The following UTRN variants were observed in gnomAD, a reference collection of about 807,000 sequenced individuals.
UTRN encodes utrophin.
Under a neutral mutation model 463.9 loss-of-function variants are expected in UTRN, and 283 were observed. The ratio of observed to expected loss-of-function variants is 0.61; its 90% CI spans 0.55 to 0.67. The LOEUF (loss-of-function observed/expected upper bound fraction) is 0.67, where lower values mean the gene tolerates loss of function less well. UTRN is among the 30% of genes least tolerant of loss of function. The pLI is 0.00. For synonymous variants in UTRN, 1,442 were observed against 1,431.5 expected (o/e 1.01, Z -0.17); for missense variants, 3,922 against 4,084.3 (o/e 0.96, Z 1.08).
In UTRN at chr6:144,516,291, T is replaced by A; in HGVS notation, c.5307T>A (p.Gly1769=). ...CLVTTETFET[G]VPFSDLEKLE... Reference sequence around the variant, plus strand: ...TCACCACTGAAACATTTGAAACTGGTGTGCCTTTCTCTGACTTGGAAAAAT... The same window carrying A: ...TCACCACTGAAACATTTGAAACTGGAGTGCCTTTCTCTGACTTGGAAAAAT... The change falls in exon 38 of 75, where the codon GGT becomes GGA. Residue 1769 remains glycine (G), a synonymous_variant. Coordinates refer to ENST00000367545, the MANE Select transcript of UTRN (RefSeq NM_007124.3). 1 of 1,613,930 alleles carries A rather than the reference T, an allele frequency of 6.2e-7. No homozygotes were observed. The highest frequency in any genetic ancestry group is 8.5e-7 in the Non-Finnish European group (1 of 1,179,940).
rs879515578 is a variant in UTRN, at chr6:144,304,621, G to A, written c.79+12714G>A. ...ATCTGAAAGAATGAGTGGGGATGTG[G>A]GGAGGCTGTTAAGACAGAGGGAGTT... On this transcript the variant is annotated intron_variant, in intron 2 of 74. Transcript: ENST00000367545. Among the ~76,000 whole-genome samples the A allele has an allele frequency of 3.9e-5, 6 of 152,242 alleles. No homozygotes were observed. In the East Asian group the frequency reaches 9.7e-4, roughly 24 times the overall value.
At chr6:144,437,811 G>A in intron 11 of UTRN, 65 bp downstream of exon 11, 1 of 1,497,890 alleles carries the variant, frequency 6.7e-7, no homozygotes, top group Non-Finnish European at 9.0e-7. Context: ...AGCTCTAGTA[G>A]ATGTCTGCAT....
At chr6:144,362,527 A>G (rs1435318570) in intron 2 of UTRN, among the ~76,000 whole-genome samples, 2 of 152,342 alleles carry the variant, frequency 1.3e-5, no homozygotes, top group African/African-American at 2.4e-5. Flanking sequence ...GCTGGCCAGC[A>G]TAGGTTTCAC....
chr6:144,777,810 A>C (rs1478873488), intron 60 of UTRN, among the ~76,000 whole-genome samples: 2 of 152,184 alleles, frequency 1.3e-5, no homozygotes, highest in Non-Finnish European at 2.9e-5. Flanking sequence ...TGGGGATAAG[A>C]AGGGAAGGAG....
At chr6:144,362,125 T>G (rs902026003) in intron 2 of UTRN, among the ~76,000 whole-genome samples, 4 of 152,354 alleles carry the variant, frequency 2.6e-5, no homozygotes, top group Non-Finnish European at 5.9e-5. Context: ...TATATAAAGT[T>G]AAATCCTGCT....
intron 55 of UTRN, among the ~76,000 whole-genome samples, 175 bp downstream of exon 55, chr6:144,748,689 T>C (rs1216044125): frequency 6.6e-6 from 1 of 152,174 alleles, no homozygotes; most frequent in East Asian, 1.9e-4. Flanking sequence ...CTCATTGGGG[T>C]TCATTGGAAC....
intron 51 of UTRN, among the ~76,000 whole-genome samples, chr6:144,658,811 G>A (rs2128670917): frequency 6.6e-6 from 1 of 152,312 alleles, no homozygotes; most frequent in Non-Finnish European, 1.5e-5. Flanking sequence ...AATTTGGATT[G>A]GAGTTTTTTT....
At chr6:144,660,479 C>G (rs1779762721) in intron 51 of UTRN, among the ~76,000 whole-genome samples, 1 of 151,978 alleles carries the variant, frequency 6.6e-6, no homozygotes, top group Non-Finnish European at 1.5e-5. Context: ...AGGAGGGCTT[C>G]TCATGATGCC....
At chr6:144,402,386 T>A (rs1277296642) in intron 2 of UTRN, among the ~76,000 whole-genome samples, 1 of 152,214 alleles carries the variant, frequency 6.6e-6, no homozygotes, top group Non-Finnish European at 1.5e-5. Context: ...TTTTCTCTTT[T>A]TGTTAGCCAC....
chr6:144,823,283 T>C (rs758394096), intron 66 of UTRN, among the ~76,000 whole-genome samples: 4 of 152,152 alleles, frequency 2.6e-5, no homozygotes, highest in Non-Finnish European at 5.9e-5. Flanking sequence ...GCAGGTTTTC[T>C]TTTTTTAATC....
chr6:144,788,003 A>G (rs1933091192), intron 61 of UTRN, among the ~76,000 whole-genome samples: 1 of 152,152 alleles, frequency 6.6e-6, no homozygotes, highest in Admixed American at 6.5e-5. Context: ...AATCCCTAGG[A>G]CTGGGACTAC....
intron 2 of UTRN, among the ~76,000 whole-genome samples, chr6:144,337,694 A>C (rs534085348): frequency 6.6e-6 from 1 of 152,098 alleles, no homozygotes; most frequent in African/African-American, 2.4e-5. Flanking sequence ...AGCCCACTGC[A>C]ACCTCTGCCT....
intron 2 of UTRN, among the ~76,000 whole-genome samples, chr6:144,324,144 C>T (rs1213503993): frequency 2.6e-5 from 4 of 152,130 alleles, no homozygotes; most frequent in Middle Eastern, 3.4e-3. Flanking sequence ...GTTAATATCT[C>T]GATATAGATT....
At chr6:144,468,592 A>ATG (rs1002248406) in intron 23 of UTRN, among the ~76,000 whole-genome samples, 600 of 146,132 alleles carry the variant, frequency 4.1e-3, no homozygotes, top group Middle Eastern at 7.0e-3. Context: ...CCTTAAAGAA[A>ATG]TGTGTGTGTG....
At position 144,422,098 on chromosome 6, in the gene UTRN, G is replaced by A. The variant is rs117780537; in HGVS notation, c.234+128G>A. On this transcript the variant is annotated intron_variant, in intron 4 of 74. Transcript: ENST00000367545. ...CGTTCAAATGTAAAGGCTGAAATTC[G>A]GAACATTTTTAACAAAGCATTTTAA... 3,985 of 704,828 alleles carry A rather than the reference G, an allele frequency of 5.7e-3. 10 individuals carry two copies. Among genetic ancestry groups the A allele is most frequent in the Non-Finnish European group, 7.3e-3 (3,384 of 463,750 alleles). The allele number at this position is 704,828 out of a possible 1,614,324, so 43.7% of individuals were successfully genotyped here. A position where few individuals can be genotyped will look rare whatever the true frequency, so the allele number is the denominator to read the frequency against.
Position 144,421,823 on chromosome 6 carries a change from A to G in UTRN, c.142-55A>G, listed in dbSNP as rs762606170. 8.5e-5 allele frequency: 121 copies of G among 1,428,816 alleles called. 1 individual carries two copies. The highest frequency in any genetic ancestry group is 1.3e-4 in the African/African-American group (9 of 70,200). The allele number at this position is 1,428,816 out of a possible 1,614,324, so 88.5% of individuals were successfully genotyped here. A position where few individuals can be genotyped will look rare whatever the true frequency, so the allele number is the denominator to read the frequency against. ...CACTCATTTATTTGCCCAGGTATATATGGAGTTTCTGCTGTTGGCATACCC... is the reference window on the plus strand; with the variant it reads ...CACTCATTTATTTGCCCAGGTATATGTGGAGTTTCTGCTGTTGGCATACCC... On this transcript the variant is annotated intron_variant, in intron 3 of 74. Transcript: ENST00000367545.
intron 19 of UTRN, among the ~76,000 whole-genome samples, chr6:144,457,379 T>G (rs1004075727): frequency 6.6e-6 from 1 of 152,204 alleles, no homozygotes; most frequent in South Asian, 2.1e-4. Context: ...TCTCAGAAAT[T>G]TTATTTACCT....
chr6:144,819,560 G>T (rs1481366381), intron 65 of UTRN, among the ~76,000 whole-genome samples: 4 of 152,030 alleles, frequency 2.6e-5, no homozygotes, highest in African/African-American at 9.7e-5. Flanking sequence ...GGGTGTGGTG[G>T]TGCGCACCTG....
At chr6:144,563,559 C>T (rs926269383) in intron 50 of UTRN, among the ~76,000 whole-genome samples, 6 of 152,252 alleles carry the variant, frequency 3.9e-5, no homozygotes, top group Non-Finnish European at 5.9e-5. Context: ...GCCTTATCCT[C>T]CTAGCATGCC....
Sources: allele counts gnomAD v4.1 joint callset (sites outside exome capture counted in the v4.1 genomes callset), GRCh38; gene constraint gnomAD v4.1.1; transcripts MANE v1.5; gene names NCBI Gene and HGNC (gene_info 2026-07-23, HGNC 2026-07-21).